The following ERICH1 variants were observed in gnomAD, a reference collection of about 807,000 sequenced individuals.
ERICH1 encodes glutamate rich 1, also known as glutamate-rich protein 1.
Under a neutral mutation model 39.6 loss-of-function variants are expected in ERICH1, and 56 were observed. That is an observed-to-expected ratio of 1.41 (90% confidence interval 1.14 to 1.77). The LOEUF is 1.77. ERICH1 is among the 40% of genes most tolerant of loss of function. ERICH1 has a pLI of 0.00. For missense variants in ERICH1, 826 were observed against 575.4 expected, an observed-to-expected ratio of 1.44 and a Z score of -4.45; for synonymous variants, 313 against 223.6, an observed-to-expected ratio of 1.40 and a Z score of -3.57.
intron 3 of ERICH1, among the ~76,000 whole-genome samples, chr8:630,748 ACT>A (rs1797964182): frequency 7.4e-6 from 1 of 134,358 alleles, no homozygotes; most frequent in East Asian, 2.4e-4. Flanking sequence ...GACAGAGCTG[ACT>A]CACACCCTCC....
chr8:709,377 G>T (rs73521174), intron 2 of ERICH1, among the ~76,000 whole-genome samples: 22 of 151,798 alleles, frequency 1.4e-4, no homozygotes, highest in Admixed American at 1.4e-3. Context: ...CTCACCCTGG[G>T]GGGTTCAGCC....
At chr8:673,226 G>T in intron 4 of ERICH1, 63 bp downstream of exon 4, 5 of 1,493,810 alleles carry the variant, frequency 3.3e-6, no homozygotes, top group Admixed American at 2.2e-5. Context: ...CATTATATTT[G>T]TTTCTTTTAA....
rs887721591 is a variant in ERICH1, at chr8:680,360, A to G, written c.305-6313T>C. The stretch of plus-strand genomic sequence containing the variant: ...GCTGCCACCCCTGTGAACACAGAAG[A>G]TGCAAGAGAATCCACAGCTGCCACC... On this transcript the variant is annotated intron_variant, in intron 3 of 5. Coordinates refer to ENST00000262109, the MANE Select transcript of ERICH1 (RefSeq NM_207332.3). Among the ~76,000 whole-genome samples, 321 of 139,362 alleles carry G rather than the reference A, an allele frequency of 2.3e-3. 2 individuals carry two copies. Among genetic ancestry groups the G allele is most frequent in the Admixed American group, 3.1e-3 (43 of 13,882 alleles). 91.4% of individuals were successfully genotyped at this position (139,362 alleles called of 152,430 possible).
intron 1 of ERICH1, among the ~76,000 whole-genome samples, chr8:720,069 C>T (rs570305670): frequency 6.6e-6 from 1 of 152,220 alleles, no homozygotes; most frequent in African/African-American, 2.4e-5. Flanking sequence ...TAGACGTGCA[C>T]CTTGCTCCTC....
intron 3 of ERICH1, among the ~76,000 whole-genome samples, chr8:619,556 G>A (rs1480492319): frequency 6.6e-6 from 1 of 152,008 alleles, no homozygotes. Context: ...ATCCACCGGG[G>A]GAAGAAAAGA....
intron 3 of ERICH1, among the ~76,000 whole-genome samples, chr8:643,080 C>G (rs1174728202): frequency 6.6e-6 from 1 of 151,888 alleles, no homozygotes; most frequent in Admixed American, 6.6e-5. Flanking sequence ...CTCACGGCCC[C>G]AGGACATCGG....
chr8:625,460 G>A (rs1797551915), intron 3 of ERICH1, among the ~76,000 whole-genome samples: 1 of 152,146 alleles, frequency 6.6e-6, no homozygotes, highest in African/African-American at 2.4e-5. Context: ...AGGGGTTGCT[G>A]GGGCTGAGGG....
rs1338235967 is a variant in ERICH1 at position 730,949 on chromosome 8, G to A, written c.22+191C>T. On this transcript the variant is annotated intron_variant, in intron 1 of 5. Coordinates refer to ENST00000262109, the MANE Select transcript of ERICH1 (RefSeq NM_207332.3). The stretch of plus-strand genomic sequence containing the variant: ...CCAGCAGCCATGCAAGCAACAACAC[G>A]GGCGAGGGGTGGGCCGCGGTCCGGG... Among the ~76,000 whole-genome samples the A allele has an allele frequency of 3.3e-5, 5 of 152,288 alleles. No homozygotes were observed. The East Asian group carries it at 9.7e-4, about 29-fold the overall frequency.
At chr8:720,377 C>A (rs1310434129) in intron 1 of ERICH1, among the ~76,000 whole-genome samples, 1 of 152,222 alleles carries the variant, frequency 6.6e-6, no homozygotes, top group Non-Finnish European at 1.5e-5. Flanking sequence ...GCGCCAGTGT[C>A]AGCCACAGAC....
intron 1 of ERICH1, among the ~76,000 whole-genome samples, chr8:723,354 C>T (rs181930431): frequency 1.4e-3 from 209 of 152,308 alleles, no homozygotes; most frequent in Admixed American, 2.7e-3. Flanking sequence ...TCACAGAGAA[C>T]AAAATCAGTT....
chr8:619,654 G>C (rs1439551739), intron 3 of ERICH1, among the ~76,000 whole-genome samples: 2 of 152,084 alleles, frequency 1.3e-5, no homozygotes, highest in Non-Finnish European at 2.9e-5. Context: ...TTCCTTAAAA[G>C]ACTTAAGATT....
Position 673,872 on chromosome 8 carries a change from A to ATTT in ERICH1, c.477_479dup (p.Lys159dup). The ATTT allele has an allele frequency of 6.2e-7, 1 of 1,612,670 alleles. No individual in the cohort carries two copies. The highest frequency in any genetic ancestry group is 8.5e-7 in the Non-Finnish European group (1 of 1,179,748). ...GTTTCTTTTTCAGTTTCCTTTTTTT[A>ATTT]TTTTTGCTTATTGTGGTGCCATCTG... On this transcript the variant is annotated inframe_insertion, in exon 4 of 6. Coordinates refer to ENST00000262109, the MANE Select transcript of ERICH1 (RefSeq NM_207332.3).
At chr8:674,368 T>C (rs951709479) in intron 3 of ERICH1, among the ~76,000 whole-genome samples, 1 of 135,142 alleles carries the variant, frequency 7.4e-6, no homozygotes, top group African/African-American at 2.7e-5. Flanking sequence ...AGTGGAACAA[T>C]CTCGGCTCAC....
intron 1 of ERICH1, among the ~76,000 whole-genome samples, chr8:720,079 CTT>C (rs894869757): frequency 1.3e-5 from 2 of 152,252 alleles, no homozygotes; most frequent in Admixed American, 6.5e-5. Context: ...CCTTGCTCCT[CTT>C]GTCTTCTGAA....
downstream of ERICH1, among the ~76,000 whole-genome samples, chr8:663,033 G>C (rs773362925): frequency 6.6e-6 from 1 of 152,248 alleles, no homozygotes; most frequent in African/African-American, 2.4e-5. Context: ...GGGAAGAGTG[G>C]CGTCCGCTGC....
chr8:620,891 C>T lies in ERICH1; in HGVS notation c.977-5607G>A, dbSNP rs1021602187. The stretch of plus-strand genomic sequence containing the variant: ...ATAGAATGAATAGGCAGAAGATCCA[C>T]ACAGAAATAAAAACTTAAATAAACT... On this transcript the variant is annotated intron_variant, in intron 3 of 3. Transcript: ENST00000522706. Among the ~76,000 whole-genome samples the T allele has an allele frequency of 2.2e-4, 34 of 152,288 alleles. 1 individual carries two copies. In the Middle Eastern group the frequency reaches 0.01, roughly 46 times the overall value.
chr8:679,938 A>AG (rs1208474620), intron 3 of ERICH1, among the ~76,000 whole-genome samples: 35 of 25,560 alleles, frequency 1.4e-3, no homozygotes, highest in Non-Finnish European at 2.6e-3. Context: ...TGAACACAGA[A>AG]AGTCCAAGAG....
At chr8:656,478 G>C (rs1377902876) in intron 3 of ERICH1, among the ~76,000 whole-genome samples, 1 of 152,190 alleles carries the variant, frequency 6.6e-6, no homozygotes, top group Admixed American at 6.5e-5. Flanking sequence ...TTTTTTGTGA[G>C]AAGTAGAGCT....
chr8:693,479 GC>G (rs1563278069), intron 2 of ERICH1, among the ~76,000 whole-genome samples: 1 of 152,248 alleles, frequency 6.6e-6, no homozygotes, highest in African/African-American at 2.4e-5. Flanking sequence ...GCCATGTGGA[GC>G]TGACCAGAGG....
Sources: gnomAD v4.1 joint callset for allele counts (sites outside exome capture counted in the v4.1 genomes callset) on GRCh38, gnomAD v4.1.1 for gene constraint, MANE v1.5 for transcripts, NCBI Gene and HGNC (gene_info 2026-07-23, HGNC 2026-07-21) for gene names.